Variants in SLC7A4 observed in about 807,000 individuals in gnomAD.
SLC7A4 encodes the protein solute carrier family 7 member 4, also known as cationic amino acid transporter 4.
SLC7A4 carries 30 observed loss-of-function variants against 37.8 expected under a neutral mutation model. The observed-to-expected ratio is 0.79, with a 90% CI of 0.59 to 1.08. The LOEUF is 1.08. SLC7A4 is among the 50% of genes least tolerant of loss of function. The probability of loss-of-function intolerance (pLI) is 0.00; values close to 1 mark genes in which losing one functional copy is unlikely to be tolerated. For synonymous variants in SLC7A4, 359 were observed against 376.5 expected, an observed-to-expected ratio of 0.95 and a Z score of 0.54; for missense variants, 839 against 843.2, an observed-to-expected ratio of 1.00 and a Z score of 0.06.
At chr22:21,029,518 G>A (rs746369016) in intron 3 of SLC7A4, 74 bp from the exon 4 acceptor site, 51 of 1,308,412 alleles carry the variant, frequency 3.9e-5, no homozygotes, top group Middle Eastern at 2.0e-4. Flanking sequence ...TCACTTTCTC[G>A]GGAATCCATA....
chr22:21,028,968 C>T lies in SLC7A4; in HGVS notation c.*87G>A. The T allele has an allele frequency of 7.1e-7, 1 of 1,413,304 alleles. No individual in the cohort carries two copies. Among genetic ancestry groups the T allele is most frequent in the Non-Finnish European group, 9.5e-7 (1 of 1,057,302 alleles). The allele number at this position is 1,413,304 out of a possible 1,614,324, so 87.5% of individuals were successfully genotyped here. A position where few individuals can be genotyped will look rare whatever the true frequency, so the allele number is the denominator to read the frequency against. ...TGTGCAGGCCTGCAAACCCAGGCTG[C>T]CCACAACAGAAGGGGCTCTCGGCTT... On this transcript the variant is annotated 3_prime_UTR_variant, in exon 5 of 5. Coordinates refer to ENST00000382932, the MANE Select transcript of SLC7A4 (RefSeq NM_004173.3).
At chr22:21,029,676 G>A in intron 3 of SLC7A4, 35 bp downstream of exon 3, 1 of 1,584,742 alleles carries the variant, frequency 6.3e-7, no homozygotes, top group Non-Finnish European at 8.6e-7. Context: ...AGCTGCCTGG[G>A]CCGAGTGTGA....
At position 21,029,114 on chromosome 22, in the gene SLC7A4, C is replaced by A. The variant is rs1470406648; in HGVS notation, c.1849G>T (p.Val617Leu). 1.2e-6 allele frequency: 2 copies of A among 1,613,334 alleles called. No homozygotes were observed. Among genetic ancestry groups the A allele is most frequent in the African/African-American group, 2.7e-5 (2 of 74,942 alleles). ...VFPRGSLEET[V>L]QAMQPPSQAP... The stretch of plus-strand genomic sequence containing the variant: ...TGGCTGGGGGGCTGCATAGCCTGCA[C>A]TGTCTCCTCCAGGCTGCCCCTGGGG... Residue 617 changes from valine (V) to leucine (L), a missense_variant, in exon 5 of 5, where the codon GTG becomes TTG. Transcript: ENST00000382932.
Position 21,032,516 on chromosome 22 carries a change from TCTGCTGCAACCCAC to T in SLC7A4, c.-41+1_-41+14del. On this transcript the variant is annotated splice_donor_variant and splice_donor_5th_base_variant and intron_variant, in intron 1 of 4. Coordinates refer to ENST00000382932, the MANE Select transcript of SLC7A4 (RefSeq NM_004173.3). LOFTEE classifies it low-confidence loss of function (5UTR_SPLICE). The stretch of plus-strand genomic sequence containing the variant: ...CGTCCCAGTCCCCGTCCCCGCAGGA[TCTGCTGCAACCCAC>T]CTGCTGCTGCCGCAGCCGCTGCCTC... 6.5e-6 allele frequency: 1 copy of T among 152,756 alleles called. No homozygotes were observed. Among genetic ancestry groups the T allele is most frequent in the South Asian group, 2.0e-4 (1 of 4,952 alleles). The allele number at this position is 152,756 out of a possible 1,614,324, so 9.5% of individuals were successfully genotyped here.
chr22:21,030,385 C>A, intron 2 of SLC7A4, 34 bp from the exon 3 acceptor site: 1 of 1,562,594 alleles, frequency 6.4e-7, no homozygotes, highest in African/African-American at 1.4e-5. Context: ...GTCAGCATGG[C>A]GGAGAAGCCC....
Position 21,030,831 on chromosome 22 carries a change from C to T in SLC7A4, c.982G>A (p.Ala328Thr), listed in dbSNP as rs761228553. ...GFIVAAGSIC[A>T]MNTVLLSLLF... ...ACCCTGCCCAGGAAGAGTCTCTCAC[C>T]GCAGATGGAGCCAGCTGCCACGATG... Residue 328 changes from alanine (A) to threonine (T), a missense_variant and splice_region_variant, in exon 2 of 5, where the codon GCC becomes ACC. Physicochemically the swap from Ala to Thr is moderately conservative, Grantham distance 58. Transcript: ENST00000382932. The T allele has an allele frequency of 7.0e-5, 111 of 1,574,784 alleles. No individual in the cohort carries two copies. The highest frequency in any genetic ancestry group is 8.7e-5 in the Non-Finnish European group (101 of 1,160,750).
In SLC7A4 at chr22:21,029,622, G is replaced by A. The variant is rs185459957; in HGVS notation, c.1623+89C>T. ...TGGGTGTGTGGTCCTCCCCAGCCCC[G>A]TGAGACTTGTTCATTCTGGGATGGT... is the stretch of plus-strand genomic sequence containing the variant. On this transcript the variant is annotated intron_variant, in intron 3 of 4. Coordinates refer to ENST00000382932, the MANE Select transcript of SLC7A4 (RefSeq NM_004173.3). The A allele has an allele frequency of 5.9e-4, 833 of 1,422,262 alleles. 2 individuals carry two copies. The African/African-American group carries it at 9.7e-3, about 17-fold the overall frequency. The allele number at this position is 1,422,262 out of a possible 1,614,324, so 88.1% of individuals were successfully genotyped here. A position where few individuals can be genotyped will look rare whatever the true frequency, so the allele number is the denominator to read the frequency against.
intron 2 of SLC7A4, 59 bp from the exon 3 acceptor site, chr22:21,030,410 C>T: frequency 6.5e-7 from 1 of 1,528,816 alleles, no homozygotes; most frequent in Non-Finnish European, 8.8e-7. Flanking sequence ...GGGGCCTCTG[C>T]TGGGGGTCGG....
rs147752463 is a variant in SLC7A4 at position 21,031,104 on chromosome 22, C to T, written c.709G>A (p.Val237Ile). 4.1e-4 allele frequency: 658 copies of T among 1,613,938 alleles called. 2 individuals are homozygous for T. In the African/African-American group the frequency reaches 7.5e-3, roughly 18 times the overall value. Reference sequence around the variant, plus strand: ...AAGCAGGAGGCAGTGCCGGCCATGACGCCGGAGAAGCCGAAGGGTGCAAAG... The same window carrying T: ...AAGCAGGAGGCAGTGCCGGCCATGATGCCGGAGAAGCCGAAGGGTGCAAAG... ...GGFAPFGFSG[V>I]MAGTASCFYA... The change falls in exon 2 of 5, where the codon GTC (valine) becomes ATC (isoleucine). Residue 237 changes from valine (V) to isoleucine (I), a missense_variant. Transcript: ENST00000382932.
chr22:21,032,471 C>T (rs1350826321), intron 1 of SLC7A4, 60 bp downstream of exon 1: 2 of 153,746 alleles, frequency 1.3e-5, no homozygotes. Context: ...TGCGCCTTCG[C>T]CTGTTCTTGG....
rs553931170 is a variant in SLC7A4 at position 21,031,095 on chromosome 22, C to T, written c.718G>A (p.Gly240Ser). The change falls in exon 2 of 5, where the codon GGC becomes AGC. Residue 240 changes from glycine to serine, a missense_variant. By Grantham distance (56) the Gly-to-Ser change is moderately conservative. Coordinates refer to ENST00000382932, the MANE Select transcript of SLC7A4 (RefSeq NM_004173.3). ...AAAGCATAGAAGCAGGAGGCAGTGC[C>T]GGCCATGACGCCGGAGAAGCCGAAG... ...APFGFSGVMAGTASCFYAFVG... is the reference protein window; with the variant it reads ...APFGFSGVMASTASCFYAFVG... 24 of 1,614,010 alleles carry T rather than the reference C, an allele frequency of 1.5e-5. No individual in the cohort carries two copies. The highest frequency in any genetic ancestry group is 9.9e-5 in the South Asian group (9 of 91,080).
Position 21,030,294 on chromosome 22 carries a change from A to G in SLC7A4, c.1040T>C (p.Met347Thr), listed in dbSNP as rs1188016861. 7 of 1,613,614 alleles carry G rather than the reference A, an allele frequency of 4.3e-6. No individual in the cohort carries two copies. The highest frequency in any genetic ancestry group is 1.1e-5 in the South Asian group (1 of 91,068). ...CTGGAAGAAGAGCCCATCGGCGGCC[A>G]TGGCATAGACAATGCGTGGCAGGGA... is the stretch of plus-strand genomic sequence containing the variant. ...LFSLPRIVYA[M>T]AADGLFFQVF... The change falls in exon 3 of 5, where the codon ATG becomes ACG. Residue 347 changes from methionine (M) to threonine (T), a missense_variant. Met to Thr is a moderately conservative substitution (Grantham distance 81). Coordinates refer to ENST00000382932, the MANE Select transcript of SLC7A4 (RefSeq NM_004173.3).
At chr22:21,030,717 C>T in intron 2 of SLC7A4, 114 bp downstream of exon 2, 1 of 1,261,830 alleles carries the variant, frequency 7.9e-7, no homozygotes, top group Non-Finnish European at 1.1e-6. Flanking sequence ...ACTTTCCTTG[C>T]CCCATTATGC....
Position 21,030,963 on chromosome 22 carries a change from T to C in SLC7A4, c.850A>G (p.Ile284Val), listed in dbSNP as rs760182118. The change falls in exon 2 of 5, where the codon ATC becomes GTC. Residue 284 changes from isoleucine (I) to valine (V), a missense_variant. Coordinates refer to ENST00000382932, the MANE Select transcript of SLC7A4 (RefSeq NM_004173.3). ...ISLAIAAGAY[I>V]LVSTVLTLMV... ...AGGGTTAGCACGGTGGAGACAAGGA[T>C]GTAGGCACCAGCTGCAATGGCAAGC... 8 of 1,613,914 alleles carry C rather than the reference T, an allele frequency of 5.0e-6. No homozygotes were observed. The highest frequency in any genetic ancestry group is 6.8e-6 in the Non-Finnish European group (8 of 1,179,952).
chr22:21,032,262 G>T (rs1469690468), intron 1 of SLC7A4, among the ~76,000 whole-genome samples: 1 of 152,186 alleles, frequency 6.6e-6, no homozygotes, highest in Non-Finnish European at 1.5e-5. Context: ...CTGCGTCGGG[G>T]CGGGTGTGGC....
rs1202303620 is a variant in SLC7A4, at chr22:21,030,208, G to T, written c.1126C>A (p.Leu376Ile). ...AGCAGTGCCAGGAAGGCCGTGAGGA[G>T]CCCGAACGCCAGGGTGCCCGCCACA... The part of the protein sequence containing the change: ...VPVAGTLAFG[L>I]LTAFLALLLD... The change falls in exon 3 of 5, where the codon CTC (leucine) becomes ATC (isoleucine). Residue 376 changes from leucine (L) to isoleucine (I), a missense_variant. Physicochemically the swap from Leu to Ile is conservative, Grantham distance 5. Transcript: ENST00000382932. 1 of 1,613,580 alleles carries T rather than the reference G, an allele frequency of 6.2e-7. No individual in the cohort carries two copies. Among genetic ancestry groups the T allele is most frequent in the Non-Finnish European group, 8.5e-7 (1 of 1,180,012 alleles).
intron 3 of SLC7A4, 125 bp downstream of exon 3, chr22:21,029,586 G>A: frequency 8.6e-7 from 1 of 1,160,128 alleles, no homozygotes; most frequent in Non-Finnish European, 1.3e-6. Flanking sequence ...CATGCAGAAA[G>A]GGGTGCGGGA....
rs1443536702 is a variant in SLC7A4 at position 21,030,082 on chromosome 22, A to T, written c.1252T>A (p.Ser418Thr). 6.2e-7 allele frequency: 1 copy of T among 1,612,402 alleles called. No individual in the cohort carries two copies. ...SIIVLRFQKS[S>T]PPSSPGPASP... is the part of the protein sequence containing the mutation. ...GCTGGGCCTGGGGAGCTGGGCGGGG[A>T]AGACTTCTGGAAGCGCAGCACAATG... The change falls in exon 3 of 5, where the codon TCC becomes ACC. Residue 418 changes from serine to threonine, a missense_variant. Ser to Thr is a moderately conservative substitution (Grantham distance 58, BLOSUM62 1). Transcript: ENST00000382932.
chr22:21,031,263 C>T lies in SLC7A4; in HGVS notation c.550G>A (p.Val184Ile). Residue 184 changes from valine (V) to isoleucine (I), a missense_variant, in exon 2 of 5, where the codon GTC becomes ATC. By Grantham distance (29) the Val-to-Ile change is conservative. Transcript: ENST00000382932. ...GAGGACACGCGGGCTCCACAGGAGACAAAGGCAGAGGCCAGGAGGATGATG... is the reference window on the plus strand; with the variant it reads ...GAGGACACGCGGGCTCCACAGGAGATAAAGGCAGAGGCCAGGAGGATGATG... ...AGIILLASAF[V>I]SCGARVSSWL... 1 of 1,612,710 alleles carries T rather than the reference C, an allele frequency of 6.2e-7. No individual in the cohort carries two copies. The highest frequency in any genetic ancestry group is 8.5e-7 in the Non-Finnish European group (1 of 1,179,390).
Sources: allele counts gnomAD v4.1 joint callset (sites outside exome capture counted in the v4.1 genomes callset), GRCh38; gene constraint gnomAD v4.1.1; transcripts MANE v1.5; gene names NCBI Gene and HGNC (gene_info 2026-07-23, HGNC 2026-07-21).